Variants in DYNC2LI1 observed in about 807,000 individuals in gnomAD.
DYNC2LI1 encodes dynein cytoplasmic 2 light intermediate chain 1.
Under a neutral mutation model 51.9 loss-of-function variants are expected in DYNC2LI1, and 45 were observed. That is an observed-to-expected ratio of 0.87 (90% CI 0.68 to 1.11). The LOEUF is 1.11. Ranked by LOEUF, DYNC2LI1 falls within the 50% of genes most tolerant of loss-of-function variation. The pLI, the probability that DYNC2LI1 is intolerant of heterozygous loss-of-function variation, is 0.00. For missense variants in DYNC2LI1, 490 were observed against 417.4 expected, an observed-to-expected ratio of 1.17 and a Z score of -1.51; for synonymous variants, 130 against 137.8, an observed-to-expected ratio of 0.94 and a Z score of 0.40.
intron 1 of DYNC2LI1, among the ~76,000 whole-genome samples, chr2:43,775,960 C>T (rs1672999866): frequency 6.7e-6 from 1 of 149,370 alleles, no homozygotes; most frequent in Non-Finnish European, 1.5e-5. Context: ...CCACCTTGGC[C>T]TCCTAAAGTG....
At chr2:43,802,777 C>T (rs556078892) in intron 10 of DYNC2LI1, among the ~76,000 whole-genome samples, 1 of 152,188 alleles carries the variant, frequency 6.6e-6, no homozygotes, top group East Asian at 1.9e-4. Context: ...TTTCAAACCA[C>T]ATATATGACA....
chr2:43,779,461 TTA>T (rs2104661594), intron 2 of DYNC2LI1, among the ~76,000 whole-genome samples: 1 of 152,320 alleles, frequency 6.6e-6, no homozygotes, highest in African/African-American at 2.4e-5. Flanking sequence ...CGAACATCTT[TTA>T]TATGCTAAGC....
At chr2:43,784,818 T>A (rs191609306) in intron 3 of DYNC2LI1, among the ~76,000 whole-genome samples, 1 of 152,208 alleles carries the variant, frequency 6.6e-6, no homozygotes. Flanking sequence ...TCAGATCTTA[T>A]GAATTTTGTC....
chr2:43,780,855 G>T (rs1263346206), intron 2 of DYNC2LI1, among the ~76,000 whole-genome samples: 1 of 152,072 alleles, frequency 6.6e-6, no homozygotes, highest in African/African-American at 2.4e-5. Context: ...CATTTTGATG[G>T]TCTCTAAATG....
intron 11 of DYNC2LI1, 29 bp downstream of exon 11, chr2:43,804,768 A>G: frequency 6.9e-7 from 1 of 1,455,292 alleles, no homozygotes. Context: ...TTTAAAAGCA[A>G]GACTTTTAGC....
chr2:43,803,356 A>G (rs1386826114), intron 10 of DYNC2LI1, among the ~76,000 whole-genome samples: 1 of 152,238 alleles, frequency 6.6e-6, no homozygotes, highest in Non-Finnish European at 1.5e-5. Context: ...GGAACAAATA[A>G]TTGATACACA....
chr2:43,790,944 G>A (rs983601178), intron 5 of DYNC2LI1, among the ~76,000 whole-genome samples: 1 of 152,200 alleles, frequency 6.6e-6, no homozygotes, highest in Non-Finnish European at 1.5e-5. Flanking sequence ...GCCAGGTGCG[G>A]TGGCTCAGGC....
the DYNC2LI1 span, chr2:43,823,852 C>T: frequency 2.5e-6 from 4 of 1,574,610 alleles, no homozygotes; most frequent in African/African-American, 2.7e-5. Flanking sequence ...TGTAAGGTTA[C>T]AGCTGGAGAA....
At chr2:43,787,848 A>G (rs1301260348) in intron 4 of DYNC2LI1, among the ~76,000 whole-genome samples, 1 of 152,170 alleles carries the variant, frequency 6.6e-6, no homozygotes, top group Non-Finnish European at 1.5e-5. Flanking sequence ...TTAAGTGTGT[A>G]GAAGGACAAT....
At chr2:43,822,701 G>A in the DYNC2LI1 span, 2 of 1,497,332 alleles carry the variant, frequency 1.3e-6, no homozygotes, top group East Asian at 2.5e-5. Flanking sequence ...ATCCTCCAGA[G>A]CAGAGAACTT....
downstream of DYNC2LI1, among the ~76,000 whole-genome samples, chr2:43,814,854 T>C (rs545498210): frequency 6.6e-5 from 10 of 152,356 alleles, no homozygotes; most frequent in African/African-American, 2.4e-4. Context: ...AATTAAACTC[T>C]TCATGCTCTT....
At chr2:43,792,718 G>T in intron 5 of DYNC2LI1, 1 of 1,547,860 alleles carries the variant, frequency 6.5e-7, no homozygotes, top group South Asian at 1.2e-5. Flanking sequence ...CTATGAATTT[G>T]ACCACTCCAG....
downstream of DYNC2LI1, chr2:43,813,405 A>G: frequency 1.2e-6 from 1 of 847,306 alleles, no homozygotes; most frequent in Non-Finnish European, 2.0e-6. Flanking sequence ...CCCTTAATGA[A>G]AAATACAGGA....
chr2:43,824,959 C>T, the DYNC2LI1 span: 37 of 1,613,860 alleles, frequency 2.3e-5, no homozygotes, highest in South Asian at 7.7e-5. Context: ...CAAGCATTTC[C>T]GCTGGCGTGC....
chr2:43,822,967 A>G, the DYNC2LI1 span: 1 of 1,612,266 alleles, frequency 6.2e-7, no homozygotes, highest in African/African-American at 1.3e-5. Flanking sequence ...CAGAACAGTC[A>G]GTCACCACCC....
chr2:43,803,819 A>G (rs1043098662), intron 10 of DYNC2LI1, among the ~76,000 whole-genome samples: 4 of 152,234 alleles, frequency 2.6e-5, no homozygotes, highest in Admixed American at 2.0e-4. Context: ...GGAACAATAC[A>G]GTTGTTGGAA....
downstream of DYNC2LI1, among the ~76,000 whole-genome samples, chr2:43,814,102 A>G (rs1479195874): frequency 1.3e-5 from 2 of 152,168 alleles, no homozygotes; most frequent in African/African-American, 4.8e-5. Flanking sequence ...TGCCAAAAGT[A>G]GCTTTATTTA....
chr2:43,776,174 AT>A, intron 1 of DYNC2LI1, among the ~76,000 whole-genome samples: 1 of 151,964 alleles, frequency 6.6e-6, no homozygotes, highest in East Asian at 1.9e-4. Context: ...TCCTAATGCT[AT>A]CCCTCCCCCA....
the DYNC2LI1 span, chr2:43,825,112 G>T: frequency 6.7e-7 from 1 of 1,488,466 alleles, no homozygotes; most frequent in Non-Finnish European, 9.2e-7. Flanking sequence ...CCAAGGTCAG[G>T]TATTCCTTAT....
Sources: gnomAD v4.1 joint callset for allele counts (sites outside exome capture counted in the v4.1 genomes callset) on GRCh38, gnomAD v4.1.1 for gene constraint, MANE v1.5 for transcripts, NCBI Gene and HGNC (gene_info 2026-07-23, HGNC 2026-07-21) for gene names.